The following AGPAT5 variants were observed in gnomAD, a reference collection of about 807,000 sequenced individuals.
AGPAT5 encodes 1-acyl-sn-glycerol-3-phosphate acyltransferase epsilon.
A neutral mutation model predicts 45.6 loss-of-function variants in AGPAT5; 46 were observed. The observed-to-expected ratio is 1.01, with a 90% confidence interval of 0.80 to 1.29. The LOEUF (loss-of-function observed/expected upper bound fraction) is 1.29, where lower values mean the gene tolerates loss of function less well. AGPAT5 is among the 50% of genes most tolerant of loss of function. AGPAT5 has a pLI of 0.00. For missense variants in AGPAT5, 673 were observed against 450.7 expected (o/e 1.49, Z -4.47); for synonymous variants, 272 against 167.0 (o/e 1.63, Z -4.85).
chr8:6,757,547 T>G lies in AGPAT5; in HGVS notation c.*159T>G. 1.6e-6 allele frequency: 1 copy of G among 634,484 alleles called. No homozygotes were observed. The highest frequency in any genetic ancestry group is 2.7e-6 in the Non-Finnish European group (1 of 369,342). The allele number at this position is 634,484 out of a possible 1,614,324, so 39.3% of individuals were successfully genotyped here. ...ATTTGTGACGAAAGCTGATATGCAA[T>G]GGTCTTGGGCAAACATACCTGGTTG... On this transcript the variant is annotated 3_prime_UTR_variant, in exon 8 of 8. Coordinates refer to ENST00000285518, the MANE Select transcript of AGPAT5 (RefSeq NM_018361.5).
In AGPAT5 at chr8:6,752,878, G is replaced by A. The variant is rs569408485; in HGVS notation, c.746-2173G>A. Reference sequence around the variant, plus strand: ...CTTCAGTGTTAGAACCTCCTAAATGGCATTTGACATTGAACTGCTTTCCAC... The same window carrying A: ...CTTCAGTGTTAGAACCTCCTAAATGACATTTGACATTGAACTGCTTTCCAC... On this transcript the variant is annotated intron_variant, in intron 6 of 7. Transcript: ENST00000285518. 2.0e-3 allele frequency among the ~76,000 whole-genome samples: 301 copies of A among 152,196 alleles called. 1 individual carries two copies. Among genetic ancestry groups the A allele is most frequent in the African/African-American group, 7.0e-3 (289 of 41,526 alleles).
At chr8:6,756,841 G>A (rs1207711276) in intron 7 of AGPAT5, among the ~76,000 whole-genome samples, 1 of 152,084 alleles carries the variant, frequency 6.6e-6, no homozygotes, top group Non-Finnish European at 1.5e-5. Flanking sequence ...AGCTGCAGCG[G>A]GTTATTAGCC....
intron 7 of AGPAT5, among the ~76,000 whole-genome samples, chr8:6,756,607 T>C (rs1475617104): frequency 1.3e-5 from 1 of 79,090 alleles, no homozygotes; most frequent in Non-Finnish European, 2.3e-5. Flanking sequence ...AGTGCCTTTT[T>C]TCAAAAAAAA....
At position 6,736,864 on chromosome 8, in the gene AGPAT5, C is replaced by G. The variant is rs577544735; in HGVS notation, c.495+4214C>G. ...CTTGTCTGATTCTCTCTTCACAGTT[C>G]TATTAGAAGGTCCATGGGTTTTGGT... On this transcript the variant is annotated intron_variant, in intron 4 of 7. Coordinates refer to ENST00000285518, the MANE Select transcript of AGPAT5 (RefSeq NM_018361.5). Among the ~76,000 whole-genome samples the G allele has an allele frequency of 2.6e-5, 4 of 152,328 alleles. No individual in the cohort carries two copies. The East Asian group carries it at 7.7e-4, about 29-fold the overall frequency.
chr8:6,719,293 G>T (rs73524938), intron 1 of AGPAT5, among the ~76,000 whole-genome samples: 4 of 152,170 alleles, frequency 2.6e-5, no homozygotes, highest in African/African-American at 7.2e-5. Flanking sequence ...CTGAAGTTCA[G>T]TTAGTTCAGT....
intron 4 of AGPAT5, among the ~76,000 whole-genome samples, chr8:6,733,282 G>C (rs1182676412): frequency 2.6e-5 from 4 of 152,176 alleles, no homozygotes; most frequent in Non-Finnish European, 5.9e-5. Flanking sequence ...GTGCTCAGAA[G>C]CTTAGCTCGT....
chr8:6,744,074 G>A (rs947902828), intron 5 of AGPAT5, among the ~76,000 whole-genome samples: 14 of 151,766 alleles, frequency 9.2e-5, no homozygotes, highest in Admixed American at 3.3e-4. Flanking sequence ...AATTTAGTTG[G>A]CAAATGGCAA....
chr8:6,734,117 C>T (rs1800961010), intron 4 of AGPAT5, among the ~76,000 whole-genome samples: 1 of 152,098 alleles, frequency 6.6e-6, no homozygotes, highest in African/African-American at 2.4e-5. Flanking sequence ...GATTTGGTGT[C>T]TGTTATTAAT....
chr8:6,745,663 T>TC (rs551505243), intron 5 of AGPAT5: 1 of 152,090 alleles, frequency 6.6e-6, no homozygotes, highest in South Asian at 2.1e-4. Flanking sequence ...TACATTGGTT[T>TC]CCCCCCTTTT....
At chr8:6,733,360 C>T (rs1800936499) in intron 4 of AGPAT5, among the ~76,000 whole-genome samples, 1 of 152,204 alleles carries the variant, frequency 6.6e-6, no homozygotes, top group Non-Finnish European at 1.5e-5. Flanking sequence ...CCTGCCCTCC[C>T]CTCACCAGGG....
rs569871715 is a variant in AGPAT5 at position 6,751,371 on chromosome 8, A to G, written c.745+3543A>G. On this transcript the variant is annotated intron_variant, in intron 6 of 7. Transcript: ENST00000285518. The stretch of plus-strand genomic sequence containing the variant: ...GTTTCTCAAAGCATTCTGGGGGATC[A>G]CTGTTTGTCAGAATTAGCTGCAGTG... Among the ~76,000 whole-genome samples the G allele has an allele frequency of 3.3e-5, 5 of 152,316 alleles. No individual in the cohort carries two copies. The East Asian group carries it at 7.7e-4, about 23-fold the overall frequency.
intron 7 of AGPAT5, 83 bp downstream of exon 7, chr8:6,755,257 T>C: frequency 2.2e-6 from 3 of 1,357,032 alleles, no homozygotes; most frequent in East Asian, 2.5e-5. Context: ...CCAATGTAAA[T>C]GGTTATATTG....
At position 6,760,164 on chromosome 8, in the gene AGPAT5, A is replaced by C. The variant is rs1801984979; in HGVS notation, c.*2776A>C. Among the ~76,000 whole-genome samples, 1 of 152,160 alleles carries C rather than the reference A, an allele frequency of 6.6e-6. No individual in the cohort carries two copies. The highest frequency in any genetic ancestry group is 1.5e-5 in the Non-Finnish European group (1 of 68,036). ...CAAGTGATCTAACTAGACTGATCAT[A>C]GATAGAAGGAAATAAGGCCAAGTTC... On this transcript the variant is annotated 3_prime_UTR_variant, in exon 8 of 8. Coordinates refer to ENST00000285518, the MANE Select transcript of AGPAT5 (RefSeq NM_018361.5).
rs1801929932 is a variant in AGPAT5, at chr8:6,758,752, G to A, written c.*1364G>A. Reference sequence around the variant, plus strand: ...AGCCATGGAACAATATATCCCATGGGAGAAGACCTTTCAGTGTGAACTGTT... The same window carrying A: ...AGCCATGGAACAATATATCCCATGGAAGAAGACCTTTCAGTGTGAACTGTT... On this transcript the variant is annotated 3_prime_UTR_variant, in exon 8 of 8. Coordinates refer to ENST00000285518, the MANE Select transcript of AGPAT5 (RefSeq NM_018361.5). 1 of 152,618 alleles carries A rather than the reference G, an allele frequency of 6.6e-6. No homozygotes were observed. The highest frequency in any genetic ancestry group is 2.4e-5 in the African/African-American group (1 of 41,444). The allele number at this position is 152,618 out of a possible 1,614,324, so 9.5% of individuals were successfully genotyped here. A position where few individuals can be genotyped will look rare whatever the true frequency, so the allele number is the denominator to read the frequency against.
chr8:6,724,315 C>T (rs1353496747), intron 1 of AGPAT5, among the ~76,000 whole-genome samples: 1 of 152,170 alleles, frequency 6.6e-6, no homozygotes, highest in African/African-American at 2.4e-5. Context: ...TGCTTCCATT[C>T]GTTCTTATTC....
rs951579259 is a variant in AGPAT5 at position 6,747,762 on chromosome 8, G to A, written c.679G>A (p.Asp227Asn). The A allele has an allele frequency of 6.2e-7, 1 of 1,614,094 alleles. No homozygotes were observed. Among genetic ancestry groups the A allele is most frequent in the Non-Finnish European group, 8.5e-7 (1 of 1,180,044 alleles). The change falls in exon 6 of 8, where the codon GAT (aspartate) becomes AAT (asparagine). Residue 227 changes from aspartate to asparagine, a missense_variant. Asp to Asn is a conservative substitution (Grantham distance 23, BLOSUM62 1). Coordinates refer to ENST00000285518, the MANE Select transcript of AGPAT5 (RefSeq NM_018361.5). ...GAAGAATTATTTAGATGCAATTTAT[G>A]ATGTTACGGTGGTTTATGAAGGGAA... ...CMKNYLDAIY[D>N]VTVVYEGKDD...
intron 1 of AGPAT5, among the ~76,000 whole-genome samples, chr8:6,718,568 T>C (rs1168470434): frequency 6.6e-6 from 1 of 152,244 alleles, no homozygotes; most frequent in Non-Finnish European, 1.5e-5. Context: ...TTAGATGTAG[T>C]CTGCAAGCAT....
Position 6,708,762 on chromosome 8 carries a change from T to G in AGPAT5, c.94T>G (p.Trp32Gly). 1 of 1,608,600 alleles carries G rather than the reference T, an allele frequency of 6.2e-7. No homozygotes were observed. The highest frequency in any genetic ancestry group is 2.2e-5 in the East Asian group (1 of 44,828). The change falls in exon 1 of 8, where the codon TGG (tryptophan) becomes GGG (glycine). Residue 32 changes from tryptophan (W) to glycine (G), a missense_variant. By Grantham distance (184) the Trp-to-Gly change is radical. Transcript: ENST00000285518. ...LGTAPTYVLAWGVWRLLSAFL... is the reference protein window; with the variant it reads ...LGTAPTYVLAGGVWRLLSAFL... The stretch of plus-strand genomic sequence containing the variant: ...CACGGCGCCCACCTACGTGTTGGCC[T>G]GGGGGGTCTGGCGGCTGCTCTCCGC...
chr8:6,742,009 A>T, intron 5 of AGPAT5, among the ~76,000 whole-genome samples: 1 of 152,166 alleles, frequency 6.6e-6, no homozygotes, highest in Non-Finnish European at 1.5e-5. Context: ...ATTTATTTAA[A>T]ATCTATCTAA....
Sources: gnomAD v4.1 joint callset for allele counts (sites outside exome capture counted in the v4.1 genomes callset) on GRCh38, gnomAD v4.1.1 for gene constraint, MANE v1.5 for transcripts, NCBI Gene and HGNC (gene_info 2026-07-23, HGNC 2026-07-21) for gene names.